The following PCDH15 variants were observed in gnomAD, a reference collection of about 807,000 sequenced individuals.
The protein encoded by PCDH15 is protocadherin related 15, also known as protocadherin-15.
In PCDH15, 129 loss-of-function variants were observed where a neutral mutation model predicts 178.5. The ratio of observed to expected loss-of-function variants is 0.72; its 90% confidence interval spans 0.63 to 0.84. The LOEUF (loss-of-function observed/expected upper bound fraction) is 0.84. Ranked by LOEUF, PCDH15 falls within the 40% of genes least tolerant of loss-of-function variation. The pLI is 0.00. For synonymous variants in PCDH15, 800 were observed against 732.0 expected, an observed-to-expected ratio of 1.09 and a Z score of -1.50; for missense variants, 2,230 against 2,099.9, an observed-to-expected ratio of 1.06 and a Z score of -1.21.
At chr10:54,650,459 T>C (rs1196993732) in intron 2 of PCDH15, among the ~76,000 whole-genome samples, 3 of 152,096 alleles carry the variant, frequency 2.0e-5, no homozygotes, top group African/African-American at 4.8e-5. Context: ...TCTATATAAA[T>C]GGCTTAATTA....
chr10:55,081,570 G>A (rs1842042903), intron 2 of PCDH15, among the ~76,000 whole-genome samples: 1 of 152,136 alleles, frequency 6.6e-6, no homozygotes, highest in African/African-American at 2.4e-5. Flanking sequence ...AAATGATTAG[G>A]TCATGATGCC....
intron 1 of PCDH15, among the ~76,000 whole-genome samples, chr10:55,219,620 T>A (rs972001358): frequency 6.6e-6 from 1 of 151,658 alleles, no homozygotes; most frequent in Non-Finnish European, 1.5e-5. Context: ...CAAATGCCTT[T>A]TAATATTCAA....
intron 1 of PCDH15, among the ~76,000 whole-genome samples, chr10:55,314,536 C>T (rs1462862423): frequency 1.3e-5 from 2 of 150,812 alleles, no homozygotes; most frequent in East Asian, 1.9e-4. Flanking sequence ...CTGGGTTTGT[C>T]GCCACAATAT....
chr10:53,969,797 C>A (rs1012684149), intron 21 of PCDH15, among the ~76,000 whole-genome samples: 20 of 152,088 alleles, frequency 1.3e-4, no homozygotes, highest in African/African-American at 4.1e-4. Context: ...CCTTTACAGA[C>A]AAACAAATGC....
At chr10:53,998,740 A>T (rs575602871) in intron 20 of PCDH15, among the ~76,000 whole-genome samples, 2 of 152,252 alleles carry the variant, frequency 1.3e-5, no homozygotes, top group South Asian at 4.2e-4. Flanking sequence ...ACTAGTTGGA[A>T]CTTGATCATC....
At chr10:55,164,498 TTAAG>T (rs1360796949) in intron 2 of PCDH15, among the ~76,000 whole-genome samples, 2 of 151,276 alleles carry the variant, frequency 1.3e-5, no homozygotes, top group African/African-American at 4.8e-5. Flanking sequence ...AGAAAAATAA[TTAAG>T]TAATACAATT....
intron 1 of PCDH15, among the ~76,000 whole-genome samples, chr10:55,308,287 C>A (rs1196615978): frequency 6.6e-6 from 1 of 152,092 alleles, no homozygotes. Context: ...CCAGACAGGG[C>A]ACACAAGTGG....
chr10:54,541,838 A>G (rs1315445385), intron 2 of PCDH15, among the ~76,000 whole-genome samples: 2 of 152,182 alleles, frequency 1.3e-5, no homozygotes, highest in African/African-American at 2.4e-5. Context: ...GACACTCAAC[A>G]AGGTCAAAAG....
chr10:54,471,891 CA>C (rs1279093959), intron 3 of PCDH15, among the ~76,000 whole-genome samples: 1 of 151,446 alleles, frequency 6.6e-6, no homozygotes, highest in East Asian at 1.9e-4. Context: ...ATCTTTTTTT[CA>C]AAAAAGTAAT....
At chr10:54,678,225 G>A (rs1313506127) in intron 1 of PCDH15, among the ~76,000 whole-genome samples, 3 of 152,070 alleles carry the variant, frequency 2.0e-5, no homozygotes, top group South Asian at 4.1e-4. Flanking sequence ...TACCTTTAAA[G>A]TAAGAATGCA....
At chr10:54,376,896 T>C (rs1948530518) in intron 4 of PCDH15, among the ~76,000 whole-genome samples, 1 of 151,920 alleles carries the variant, frequency 6.6e-6, no homozygotes, top group African/African-American at 2.4e-5. Flanking sequence ...TGTACAAAAA[T>C]TTTCACTGCA....
chr10:54,575,141 G>A (rs2090320123), intron 2 of PCDH15: 1 of 130,828 alleles, frequency 7.6e-6, no homozygotes, highest in Non-Finnish European at 1.6e-5. Context: ...CACACTCTGG[G>A]GACTGTTGTG....
At chr10:55,062,997 T>C (rs1841475316) in intron 2 of PCDH15, among the ~76,000 whole-genome samples, 1 of 152,106 alleles carries the variant, frequency 6.6e-6, no homozygotes, top group Non-Finnish European at 1.5e-5. Context: ...CCCTATGAAA[T>C]ACATATCATT....
chr10:54,224,771 A>G (rs906720893), intron 9 of PCDH15, among the ~76,000 whole-genome samples: 2 of 152,016 alleles, frequency 1.3e-5, no homozygotes, highest in African/African-American at 4.8e-5. Flanking sequence ...TAACTTTAGC[A>G]CTTTTTCTTT....
At chr10:54,710,488 A>T (rs527365659) in intron 1 of PCDH15, among the ~76,000 whole-genome samples, 1 of 152,116 alleles carries the variant, frequency 6.6e-6, no homozygotes, top group South Asian at 2.1e-4. Context: ...ATAGCAGTAT[A>T]TTATGTTATT....
intron 18 of PCDH15, among the ~76,000 whole-genome samples, chr10:54,063,718 T>A (rs1026051105): frequency 1.3e-5 from 2 of 152,270 alleles, no homozygotes; most frequent in East Asian, 1.9e-4. Context: ...GCAAGCCAGG[T>A]TCAGAGCAGC....
At chr10:55,142,062 A>AT (rs1409483653) in intron 2 of PCDH15, among the ~76,000 whole-genome samples, 1 of 152,122 alleles carries the variant, frequency 6.6e-6, no homozygotes, top group East Asian at 1.9e-4. Context: ...TTGTTAGAGA[A>AT]TGAGATCATT....
rs150190533 is a variant in PCDH15, at chr10:54,266,682, C to T, written c.877-29751G>A. Among the ~76,000 whole-genome samples the T allele has an allele frequency of 1.0e-3, 156 of 151,906 alleles. 1 individual carries two copies. The East Asian group carries it at 0.019, about 18-fold the overall frequency. On this transcript the variant is annotated intron_variant, in intron 8 of 37. Coordinates refer to ENST00000644397, the MANE Select transcript of PCDH15 (RefSeq NM_001384140.1). ...AGACTACTATGAACATTTCTATGTG[C>T]ACAACTAGATAACCTAGGAGAAATG...
chr10:54,163,755 T>G (rs545250127), intron 13 of PCDH15, among the ~76,000 whole-genome samples: 1 of 152,112 alleles, frequency 6.6e-6, no homozygotes, highest in East Asian at 1.9e-4. Flanking sequence ...GAACATTCTT[T>G]TTCAATAACT....
Sources: gnomAD v4.1 joint callset for allele counts (sites outside exome capture counted in the v4.1 genomes callset) on GRCh38, gnomAD v4.1.1 for gene constraint, MANE v1.5 for transcripts, NCBI Gene and HGNC (gene_info 2026-07-23, HGNC 2026-07-21) for gene names.